ZDHHC11: variants seen among roughly 807,000 people sequenced by gnomAD.
ZDHHC11 encodes zDHHC palmitoyltransferase 11, also known as palmitoyltransferase ZDHHC11.
Under a neutral mutation model 51.3 loss-of-function variants are expected in ZDHHC11, and 44 were observed. The ratio of observed to expected loss-of-function variants is 0.86; its 90% CI spans 0.67 to 1.10. The LOEUF (loss-of-function observed/expected upper bound fraction) is 1.10, where lower values mean the gene tolerates loss of function less well. ZDHHC11 is among the 50% of genes least tolerant of loss of function. ZDHHC11 has a pLI of 0.00. For synonymous variants in ZDHHC11, 163 were observed against 222.0 expected (o/e 0.73, Z 2.36); for missense variants, 400 against 537.7 (o/e 0.74, Z 2.53).
Position 850,598 on chromosome 5 carries a change from T to C in ZDHHC11, c.5A>G (p.Asp2Gly). Residue 2 changes from aspartate to glycine, a missense_variant, in exon 1 of 13, where the codon GAC becomes GGC. By Grantham distance (94) the Asp-to-Gly change is moderately conservative. Transcript: ENST00000283441. M[D>G]TRSGSQCSVT... ...GGAACACTGGCTCCCGGAGCGGGTG[T>C]CCATCTGCAGGACACAGAAGGGGAG... The C allele has an allele frequency of 6.2e-7, 1 of 1,613,144 alleles. No homozygotes were observed. The highest frequency in any genetic ancestry group is 2.2e-5 in the East Asian group (1 of 44,840).
chr5:797,695 T>G (rs1209469615), intron 12 of ZDHHC11, among the ~76,000 whole-genome samples: 1 of 151,666 alleles, frequency 6.6e-6, no homozygotes, highest in East Asian at 1.9e-4. Context: ...CTTTGTGTTT[T>G]CTTCATGTTT....
rs1353444135 is a variant in ZDHHC11 at position 850,511 on chromosome 5, A to C, written c.92T>G (p.Val31Gly). The C allele has an allele frequency of 6.2e-7, 1 of 1,613,730 alleles. No homozygotes were observed. The highest frequency in any genetic ancestry group is 8.5e-7 in the Non-Finnish European group (1 of 1,180,022). ...GTGCAGGGGTAACGACCAGCCGTTC[A>C]CTCTGGAGATGCGGGGCGGCAAGAC... Reference protein sequence around the residue: ...KLVLPPRISRVNGWSLPLHYF... With the variant: ...KLVLPPRISRGNGWSLPLHYF... Residue 31 changes from valine (V) to glycine (G), a missense_variant, in exon 1 of 13, where the codon GTG becomes GGG. This residue lies in a region of ZDHHC11 where 119 missense variants were observed against 99.6 expected (regional missense o/e 1.20). Coordinates refer to ENST00000283441, the MANE Select transcript of ZDHHC11 (RefSeq NM_024786.3).
chr5:859,343 A>T (rs1748668529), upstream of ZDHHC11, among the ~76,000 whole-genome samples: 1 of 152,154 alleles, frequency 6.6e-6, no homozygotes, highest in Non-Finnish European at 1.5e-5. Context: ...GTCTGTTCTT[A>T]TCAGCCTGCC....
At chr5:857,033 A>C (rs1748360210) in intron 1 of ZDHHC11, among the ~76,000 whole-genome samples, 1 of 151,218 alleles carries the variant, frequency 6.6e-6, no homozygotes, top group South Asian at 2.1e-4. Context: ...AGAATACCAC[A>C]CACAACACAC....
intron 7 of ZDHHC11, among the ~76,000 whole-genome samples, chr5:828,393 G>A (rs374284405): frequency 8.1e-5 from 12 of 148,116 alleles, no homozygotes; most frequent in Admixed American, 6.0e-4. Context: ...TGGACGGGGC[G>A]GCTGGCCGGG....
At chr5:798,145 CTTACT>C (rs1462375188) in intron 12 of ZDHHC11, among the ~76,000 whole-genome samples, 8 of 150,220 alleles carry the variant, frequency 5.3e-5, no homozygotes, top group Non-Finnish European at 7.4e-5. Context: ...TCTGGGGGCC[CTTACT>C]TTAAGAGATT....
chr5:840,776 C>T, intron 4 of ZDHHC11, 126 bp from the exon 5 acceptor site: 1 of 1,548,860 alleles, frequency 6.5e-7, no homozygotes, highest in Non-Finnish European at 8.7e-7. Context: ...AGGGATGTCT[C>T]CCTGCCCAGG....
At chr5:836,700 C>T (rs559475471) in intron 6 of ZDHHC11, among the ~76,000 whole-genome samples, 38 of 149,456 alleles carry the variant, frequency 2.5e-4, no homozygotes, top group African/African-American at 8.1e-4. Flanking sequence ...CTTTCTATGT[C>T]TTCTTGAGTT....
At chr5:803,807 T>C (rs1738835457) in intron 11 of ZDHHC11, among the ~76,000 whole-genome samples, 1 of 150,546 alleles carries the variant, frequency 6.6e-6, no homozygotes, top group Non-Finnish European at 1.5e-5. Context: ...ATAGAAATTA[T>C]ATATTTTTTA....
chr5:856,909 CCA>C (rs1250648676), intron 1 of ZDHHC11, among the ~76,000 whole-genome samples: 2 of 151,192 alleles, frequency 1.3e-5, no homozygotes, highest in African/African-American at 2.4e-5. Context: ...AAACCACACA[CCA>C]CACACACACC....
At chr5:850,241 C>G (rs1746967940) in intron 1 of ZDHHC11, 140 bp downstream of exon 1, 2 of 980,566 alleles carry the variant, frequency 2.0e-6, no homozygotes, top group South Asian at 3.2e-5. Flanking sequence ...GGCCCACCTG[C>G]AGGCTCAGGG....
At chr5:805,153 T>C (rs1739070157) in intron 11 of ZDHHC11, among the ~76,000 whole-genome samples, 1 of 151,500 alleles carries the variant, frequency 6.6e-6, no homozygotes, top group South Asian at 2.1e-4. Flanking sequence ...TGAAACTAAG[T>C]TGGGGCTGAC....
chr5:825,208 G>C lies in ZDHHC11; in HGVS notation c.979C>G (p.His327Asp). Reference sequence around the variant, plus strand: ...TCCTGGTTTACTGAAGTGCAGAAGTGACATAAGTGCTTGTGAATCAGCAGG... The same window carrying C: ...TCCTGGTTTACTGAAGTGCAGAAGTCACATAAGTGCTTGTGAATCAGCAGG... ...SSLLIHKHLC[H>D]FCTSVNQDGD... The change falls in exon 8 of 13, where the codon CAC becomes GAC. Residue 327 changes from histidine (H) to aspartate (D), a missense_variant. Coordinates refer to ENST00000283441, the MANE Select transcript of ZDHHC11 (RefSeq NM_024786.3). The C allele has an allele frequency of 6.2e-7, 1 of 1,612,924 alleles. No homozygotes were observed. The highest frequency in any genetic ancestry group is 8.5e-7 in the Non-Finnish European group (1 of 1,179,226).
chr5:816,356 C>T, intron 10 of ZDHHC11: 1 of 362,906 alleles, frequency 2.8e-6, no homozygotes, highest in Non-Finnish European at 5.4e-6. Context: ...ATGGCGGCAG[C>T]AGCTGCACGG....
At chr5:818,301 G>C (rs1465710334) in intron 10 of ZDHHC11, among the ~76,000 whole-genome samples, 1 of 151,708 alleles carries the variant, frequency 6.6e-6, no homozygotes, top group African/African-American at 2.4e-5. Context: ...ACGTTGGTGG[G>C]TGAGTCTGGG....
In ZDHHC11 at chr5:795,646, C is replaced by G. The variant is rs1326562848; in HGVS notation, c.*942G>C. On this transcript the variant is annotated 3_prime_UTR_variant, in exon 13 of 13. Transcript: ENST00000283441. The stretch of plus-strand genomic sequence containing the variant: ...TAGATATATTTGGAAAACTGATTAT[C>G]TTTTAAAAAATGACTACTAAACAGA... 2.0e-5 allele frequency: 3 copies of G among 153,392 alleles called. 1 individual carries two copies. The East Asian group carries it at 5.6e-4, about 29-fold the overall frequency. 9.5% of individuals were successfully genotyped at this position (153,392 alleles called of 1,614,324 possible).
chr5:837,554 G>C, intron 5 of ZDHHC11, 74 bp from the exon 6 acceptor site: 3 of 1,512,858 alleles, frequency 2.0e-6, no homozygotes, highest in Non-Finnish European at 2.7e-6. Context: ...GGACAGCTCA[G>C]CAGAGTGGCC....
chr5:814,371 T>C, intron 11 of ZDHHC11, among the ~76,000 whole-genome samples: 2 of 151,248 alleles, frequency 1.3e-5, no homozygotes, highest in Non-Finnish European at 3.0e-5. Context: ...TGGGCTGGAA[T>C]TGTGCAGTGT....
intron 3 of ZDHHC11, among the ~76,000 whole-genome samples, chr5:846,047 C>T (rs1460532006): frequency 6.6e-6 from 1 of 150,476 alleles, no homozygotes; most frequent in Non-Finnish European, 1.5e-5. Context: ...CTGGGGCTAG[C>T]ATGAGCCAGA....
Sources: gnomAD v4.1 joint callset for allele counts (sites outside exome capture counted in the v4.1 genomes callset) on GRCh38, gnomAD v4.1.1 for gene constraint, gnomAD v4.1.1 regional missense constraint, MANE v1.5 for transcripts, NCBI Gene and HGNC (gene_info 2026-07-23, HGNC 2026-07-21) for gene names.